SGK2: variants seen among roughly 807,000 people sequenced by gnomAD.
The protein encoded by SGK2 is serine/threonine-protein kinase Sgk2.
SGK2 carries 36 observed loss-of-function variants against 47.5 expected under a neutral mutation model. The ratio of observed to expected loss-of-function variants is 0.76; its 90% CI spans 0.58 to 1.00. SGK2 has a LOEUF of 1.00. SGK2 is among the 50% of genes least tolerant of loss of function. The probability of loss-of-function intolerance (pLI) is 0.00; values close to 1 mark genes in which losing one functional copy is unlikely to be tolerated. For synonymous variants in SGK2, 157 were observed against 181.9 expected, an observed-to-expected ratio of 0.86 and a Z score of 1.10; for missense variants, 404 against 467.4, an observed-to-expected ratio of 0.86 and a Z score of 1.25.
At position 43,585,015 on chromosome 20, in the gene SGK2, A is replaced by G; in HGVS notation, c.1103A>G (p.Ter368TrpextTer14). The change falls in exon 13 of 13, where the codon TAG (stop) becomes TGG (tryptophan). Residue 368 changes from the stop codon to tryptophan (W), a stop_lost. Transcript: ENST00000373100. ...GAGGATGATGACATCTTGGATTGCT[A>G]GAAGAGAAGGACCTGTGAAACTACT... Reference protein sequence around the residue: ...APEDDDILDC* With the variant: ...APEDDDILDCW The G allele has an allele frequency of 6.2e-7, 1 of 1,612,934 alleles. No homozygotes were observed. The highest frequency in any genetic ancestry group is 8.5e-7 in the Non-Finnish European group (1 of 1,179,210).
chr20:43,571,088 TGTG>T, intron 8 of SGK2, 28 bp downstream of exon 8: 2 of 1,609,738 alleles, frequency 1.2e-6, no homozygotes, highest in African/African-American at 2.7e-5. Flanking sequence ...TGTGTGTGTG[TGTG>T]TGTGTGTGTG....
rs1979712945 is a variant in SGK2, at chr20:43,566,376, G to C, written c.-23-97G>C. Reference sequence around the variant, plus strand: ...AGGCGGTGGCAGGTGCACAGGTAGGGGAGGATGGAGAGGGCAGTGGTGCCT... The same window carrying C: ...AGGCGGTGGCAGGTGCACAGGTAGGCGAGGATGGAGAGGGCAGTGGTGCCT... On this transcript the variant is annotated intron_variant, in intron 1 of 12. Coordinates refer to ENST00000373100, the MANE Select transcript of SGK2 (RefSeq NM_170693.3). 1.9e-6 allele frequency: 3 copies of C among 1,614,170 alleles called. No individual in the cohort carries two copies. In the East Asian group the frequency reaches 6.7e-5, roughly 36 times the overall value.
At chr20:43,573,500 A>AC (rs1410704025) in intron 9 of SGK2, among the ~76,000 whole-genome samples, 4 of 151,706 alleles carry the variant, frequency 2.6e-5, no homozygotes, top group East Asian at 1.9e-4. Context: ...AAAAAAAAAA[A>AC]AAAAAAAAAC....
chr20:43,571,064 GGTGTGTGTGT>G lies in SGK2; in HGVS notation c.510+33_510+42del, dbSNP rs11467250. ...GAACATTCTCTTGGACTGCCAGGTT[GGTGTGTGTGT>G]GTGTGTGTGTGTGTGTGTGTGTGTG... is the stretch of plus-strand genomic sequence containing the variant. On this transcript the variant is annotated splice_donor_5th_base_variant and intron_variant, in intron 8 of 12. Transcript: ENST00000373100. 1,063 of 1,565,288 alleles carry G rather than the reference GGTGTGTGTGT, an allele frequency of 6.8e-4. No homozygotes were observed. Among genetic ancestry groups the G allele is most frequent in the Middle Eastern group, 1.3e-3 (6 of 4,558 alleles).
intron 10 of SGK2, 57 bp from the exon 11 acceptor site, chr20:43,576,167 C>G (rs200063892): frequency 6.3e-7 from 1 of 1,593,414 alleles, no homozygotes; most frequent in East Asian, 2.2e-5. Context: ...CAAGTCTCCC[C>G]GAGCCTGTGT....
At chr20:43,563,206 A>C (rs1272665718) in intron 1 of SGK2, among the ~76,000 whole-genome samples, 2 of 152,200 alleles carry the variant, frequency 1.3e-5, no homozygotes, top group Admixed American at 1.3e-4. Context: ...TAAACCACTA[A>C]AATGGTAGTG....
rs1386297287 is a variant in SGK2, at chr20:43,559,081, G to T, written c.-102G>T. ...TCAGGATTGTGCCTCCAGTCAGAAG[G>T]ACCATGAAGAGAGAGAAGAGGGCAG... On this transcript the variant is annotated 5_prime_UTR_variant, in exon 1 of 13. Transcript: ENST00000373100. 1 of 152,302 alleles carries T rather than the reference G, an allele frequency of 6.6e-6. No individual in the cohort carries two copies. Among genetic ancestry groups the T allele is most frequent in the South Asian group, 2.1e-4 (1 of 4,826 alleles). The allele number at this position is 152,302 out of a possible 1,614,324, so 9.4% of individuals were successfully genotyped here. A position where few individuals can be genotyped will look rare whatever the true frequency, so the allele number is the denominator to read the frequency against.
chr20:43,582,666 G>A (rs1356313345), intron 12 of SGK2, among the ~76,000 whole-genome samples: 2 of 145,998 alleles, frequency 1.4e-5, no homozygotes, highest in Admixed American at 7.0e-5. Flanking sequence ...GGGATTACAG[G>A]CATGAGCCAT....
In SGK2 at chr20:43,570,769, T is replaced by C. The variant is rs752083705; in HGVS notation, c.473+40T>C. The C allele has an allele frequency of 4.7e-6, 7 of 1,478,504 alleles. No homozygotes were observed. The South Asian group carries it at 8.1e-5, about 17-fold the overall frequency. The allele number at this position is 1,478,504 out of a possible 1,614,324, so 91.6% of individuals were successfully genotyped here. On this transcript the variant is annotated intron_variant, in intron 7 of 12. Transcript: ENST00000373100. ...TGGCTCAGAGCCAGGACCAAGCCCTTCTTGCTCCAACAGCTAGGGGTTGTG... is the reference window on the plus strand; with the variant it reads ...TGGCTCAGAGCCAGGACCAAGCCCTCCTTGCTCCAACAGCTAGGGGTTGTG...
intron 1 of SGK2, among the ~76,000 whole-genome samples, chr20:43,562,793 A>T (rs1033164544): frequency 6.6e-6 from 1 of 152,096 alleles, no homozygotes; most frequent in African/African-American, 2.4e-5. Flanking sequence ...CTGACTAGTG[A>T]ATTGTCAAGG....
chr20:43,576,122 GT>G, intron 10 of SGK2, 101 bp from the exon 11 acceptor site: 1 of 1,365,472 alleles, frequency 7.3e-7, no homozygotes, highest in Non-Finnish European at 1.0e-6. Flanking sequence ...CAAGACAGGG[GT>G]CATACTGAAT....
At chr20:43,562,824 C>T (rs988949535) in intron 1 of SGK2, among the ~76,000 whole-genome samples, 3 of 151,912 alleles carry the variant, frequency 2.0e-5, no homozygotes, top group African/African-American at 7.3e-5. Flanking sequence ...ATATTTAAAT[C>T]CAGAGTTCAG....
rs139866526 is a variant in SGK2 at position 43,566,379 on chromosome 20, G to C, written c.-23-94G>C. ...CGGTGGCAGGTGCACAGGTAGGGGA[G>C]GATGGAGAGGGCAGTGGTGCCTGAA... On this transcript the variant is annotated intron_variant, in intron 1 of 12. Transcript: ENST00000373100. The C allele has an allele frequency of 3.7e-6, 6 of 1,614,070 alleles. No individual in the cohort carries two copies. The East Asian group carries it at 6.7e-5, about 18-fold the overall frequency.
In SGK2 at chr20:43,561,125, C is replaced by T. The variant is rs905425468; in HGVS notation, c.-24+1966C>T. 2.0e-5 allele frequency among the ~76,000 whole-genome samples: 3 copies of T among 152,286 alleles called. No individual in the cohort carries two copies. The East Asian group carries it at 5.8e-4, about 29-fold the overall frequency. ...TCACCCGTAATCAGTACAAGCCTCT[C>T]CAAGAGGTGACTTTAAGCAGAAGCC... On this transcript the variant is annotated intron_variant, in intron 1 of 12. Transcript: ENST00000373100.
intron 7 of SGK2, 118 bp from the exon 8 acceptor site, chr20:43,570,906 C>A: frequency 6.6e-7 from 1 of 1,509,984 alleles, no homozygotes; most frequent in Non-Finnish European, 9.1e-7. Flanking sequence ...TCTCCTTCTG[C>A]ATCTCTGGCA....
At chr20:43,582,369 CATTTTTATTTTT>C (rs1201858643) in intron 12 of SGK2, among the ~76,000 whole-genome samples, 5 of 151,478 alleles carry the variant, frequency 3.3e-5, no homozygotes, top group African/African-American at 1.2e-4. Context: ...TTTTTATTTT[CATTTTTATTTTT>C]ATTTTTATTT....
chr20:43,564,504 T>C (rs539194675), intron 1 of SGK2, among the ~76,000 whole-genome samples: 100 of 151,398 alleles, frequency 6.6e-4, no homozygotes, highest in African/African-American at 2.2e-3. Context: ...CGCACACACA[T>C]ACACACACAC....
chr20:43,564,263 G>A (rs916075074), intron 1 of SGK2, among the ~76,000 whole-genome samples: 19 of 152,252 alleles, frequency 1.2e-4, no homozygotes, highest in African/African-American at 2.7e-4. Context: ...TGAGGGGCCC[G>A]CAGGGAAAGG....
chr20:43,562,081 A>G (rs1979420122), intron 1 of SGK2, among the ~76,000 whole-genome samples: 1 of 152,042 alleles, frequency 6.6e-6, no homozygotes, highest in African/African-American at 2.4e-5. Context: ...GGCAGAGTGG[A>G]AGGAATATGA....
Sources: allele counts gnomAD v4.1 joint callset (sites outside exome capture counted in the v4.1 genomes callset), GRCh38; gene constraint gnomAD v4.1.1; transcripts MANE v1.5; gene names NCBI Gene and HGNC (gene_info 2026-07-23, HGNC 2026-07-21).